Variants in CCDC28B observed in about 807,000 individuals in gnomAD.
CCDC28B encodes the protein coiled-coil domain-containing protein 28B.
CCDC28B carries 17 observed loss-of-function variants against 18.7 expected under a neutral mutation model. That is an observed-to-expected ratio of 0.91 (90% confidence interval 0.62 to 1.36). CCDC28B has a LOEUF of 1.36. Ranked by LOEUF, CCDC28B falls within the 40% of genes most tolerant of loss-of-function variation. The pLI, the probability that CCDC28B is intolerant of heterozygous loss-of-function variation, is 0.00. For synonymous variants in CCDC28B, 116 were observed against 105.1 expected (o/e 1.10, Z -0.64); for missense variants, 213 against 251.7 (o/e 0.85, Z 1.04).
rs984354152 is a variant in CCDC28B, at chr1:32,204,847, G to T, written c.548+227G>T. Reference sequence around the variant, plus strand: ...TTTTACTACTGATCAAAATCTTTGTGAGTACTTTAGCTGACATCAATCATA... The same window carrying T: ...TTTTACTACTGATCAAAATCTTTGTTAGTACTTTAGCTGACATCAATCATA... On this transcript the variant is annotated intron_variant, in intron 5 of 5. Transcript: ENST00000373602. 5.8e-6 allele frequency: 9 copies of T among 1,547,632 alleles called. No homozygotes were observed. In the Admixed American group the frequency reaches 1.4e-4, roughly 24 times the overall value.
chr1:32,201,369 G>A (rs767026304), intron 1 of CCDC28B, among the ~76,000 whole-genome samples: 1 of 152,134 alleles, frequency 6.6e-6, no homozygotes, highest in Non-Finnish European at 1.5e-5. Context: ...TCTATGTGGG[G>A]GAAACCCACA....
At position 32,203,898 on chromosome 1, in the gene CCDC28B, C is replaced by T. The variant is rs778638794; in HGVS notation, c.184C>T (p.Arg62Cys). 4.1e-5 allele frequency: 62 copies of T among 1,512,866 alleles called. No homozygotes were observed. Among genetic ancestry groups the T allele is most frequent in the Non-Finnish European group, 5.1e-5 (58 of 1,131,258 alleles). 93.7% of individuals were successfully genotyped at this position (1,512,866 alleles called of 1,614,324 possible). The change falls in exon 3 of 6, where the codon CGC becomes TGC. Residue 62 changes from arginine to cysteine, a missense_variant. Arg to Cys is a radical substitution (Grantham distance 180). Transcript: ENST00000373602. The part of the protein sequence containing the change: ...KFKRVGKEKC[R>C]PVLAGGGSGS... ...ACCCAGAGTAGGCAAAGAGAAGTGC[C>T]GCCCAGTCCTGGCTGGAGGTGGAAG...
At position 32,204,317 on chromosome 1, in the gene CCDC28B, G is replaced by T. The variant is rs140234450; in HGVS notation, c.463G>T (p.Gly155Trp). ...AGAGGAAGAGGATGGGGTCACTGAG[G>T]GGCTGCCAGAGGAGCAGAAGAAGAC... The part of the protein sequence containing the change: ...DEEEEDGVTE[G>W]LPEEQKKTMA... The change falls in exon 4 of 6, where the codon GGG (glycine) becomes TGG (tryptophan). Residue 155 changes from glycine to tryptophan, a missense_variant. Physicochemically the swap from Gly to Trp is radical, Grantham distance 184. Transcript: ENST00000373602. 1.2e-6 allele frequency: 2 copies of T among 1,611,488 alleles called. No individual in the cohort carries two copies. The highest frequency in any genetic ancestry group is 1.7e-6 in the Non-Finnish European group (2 of 1,178,706).
chr1:32,204,283 G>A lies in CCDC28B; in HGVS notation c.429G>A (p.Glu143=), dbSNP rs748786374. ...GCCTGGATGTGTGTGGGGAGGAGGA[G>A]GACGATGAAGAGGAAGAGGATGGGG... ...HFSLDVCGEE[E]DDEEEEDGVT... The change falls in exon 4 of 6, where the codon GAG becomes GAA. Residue 143 remains glutamate (E), a synonymous_variant. Transcript: ENST00000373602. 3.7e-6 allele frequency: 6 copies of A among 1,613,754 alleles called. No homozygotes were observed. The highest frequency in any genetic ancestry group is 4.2e-6 in the Non-Finnish European group (5 of 1,179,918).
At position 32,204,579 on chromosome 1, in the gene CCDC28B, T is replaced by C; in HGVS notation, c.526-19T>C. The stretch of plus-strand genomic sequence containing the variant: ...GTTCCCCTCCTAACAGAAGCCTCCC[T>C]TTTTCTCTTTGTTGGCAGCTGGAAG... On this transcript the variant is annotated intron_variant, in intron 4 of 5. Coordinates refer to ENST00000373602, the MANE Select transcript of CCDC28B (RefSeq NM_024296.5). The C allele has an allele frequency of 6.4e-7, 1 of 1,554,274 alleles. No homozygotes were observed. Among genetic ancestry groups the C allele is most frequent in the African/African-American group, 1.4e-5 (1 of 72,776 alleles).
At chr1:32,203,753 A>G in intron 2 of CCDC28B, 126 bp from the exon 3 acceptor site, 1 of 670,508 alleles carries the variant, frequency 1.5e-6, no homozygotes, top group Non-Finnish European at 2.3e-6. Context: ...TATGCTAGTA[A>G]GTAGATGGGC....
rs764820386 is a variant in CCDC28B at position 32,204,718 on chromosome 1, CCCA to C, written c.548+101_548+103del. 3.1e-6 allele frequency: 5 copies of C among 1,614,074 alleles called. No homozygotes were observed. In the Admixed American group the frequency reaches 8.3e-5, roughly 27 times the overall value. Reference sequence around the variant, plus strand: ...GGAGTATTCACACACAACCAACTTCCCCACCTCTTGCAGTCCTGTCAGATTTAG... The same window carrying C: ...GGAGTATTCACACACAACCAACTTCCCCTCTTGCAGTCCTGTCAGATTTAG... On this transcript the variant is annotated intron_variant, in intron 5 of 5. Transcript: ENST00000373602.
rs1415468234 is a variant in CCDC28B, at chr1:32,204,584, C to T, written c.526-14C>T. On this transcript the variant is annotated splice_polypyrimidine_tract_variant and intron_variant, in intron 4 of 5. Transcript: ENST00000373602. Reference sequence around the variant, plus strand: ...CCTCCTAACAGAAGCCTCCCTTTTTCTCTTTGTTGGCAGCTGGAAGACCTC... The same window carrying T: ...CCTCCTAACAGAAGCCTCCCTTTTTTTCTTTGTTGGCAGCTGGAAGACCTC... 10 of 1,555,798 alleles carry T rather than the reference C, an allele frequency of 6.4e-6. No individual in the cohort carries two copies. The highest frequency in any genetic ancestry group is 6.0e-5 in the Admixed American group (3 of 50,068).
chr1:32,199,334 A>G (rs772467693), upstream of CCDC28B, among the ~76,000 whole-genome samples: 1 of 152,006 alleles, frequency 6.6e-6, no homozygotes, highest in African/African-American at 2.4e-5. Context: ...CATGCTGGCC[A>G]TGTTATTTCT....
At position 32,204,302 on chromosome 1, in the gene CCDC28B, G is replaced by A. The variant is rs1643243299; in HGVS notation, c.448G>A (p.Asp150Asn). ...GEEEDDEEEEDGVTEGLPEEQ... is the reference protein window; with the variant it reads ...GEEEDDEEEENGVTEGLPEEQ... Reference sequence around the variant, plus strand: ...GGAGGAGGACGATGAAGAGGAAGAGGATGGGGTCACTGAGGGGCTGCCAGA... The same window carrying A: ...GGAGGAGGACGATGAAGAGGAAGAGAATGGGGTCACTGAGGGGCTGCCAGA... The change falls in exon 4 of 6, where the codon GAT (aspartate) becomes AAT (asparagine). Residue 150 changes from aspartate (D) to asparagine (N), a missense_variant. By Grantham distance (23) the Asp-to-Asn change is conservative (BLOSUM62 1). Transcript: ENST00000373602. 6.2e-7 allele frequency: 1 copy of A among 1,613,136 alleles called. No individual in the cohort carries two copies. Among genetic ancestry groups the A allele is most frequent in the Non-Finnish European group, 8.5e-7 (1 of 1,179,540 alleles).
At chr1:32,199,735 G>T (rs1304811896), upstream of CCDC28B, among the ~76,000 whole-genome samples, 1 of 152,246 alleles carries the variant, frequency 6.6e-6, no homozygotes, top group Non-Finnish European at 1.5e-5. Flanking sequence ...GGATGGGGAA[G>T]GTGGGCTGGG....
chr1:32,203,975 T>C lies in CCDC28B; in HGVS notation c.261T>C (p.Asp87=). ...ACTCCTTCCTGACCGAGGTGACTGA[T>C]GTCTATGAGATGGAGGGGGGACTCC... The part of the protein sequence containing the change: ...LQHSFLTEVT[D]VYEMEGGLLN... Residue 87 remains aspartate, a synonymous_variant, in exon 3 of 6, where the codon GAT becomes GAC. Coordinates refer to ENST00000373602, the MANE Select transcript of CCDC28B (RefSeq NM_024296.5). 2 of 1,578,844 alleles carry C rather than the reference T, an allele frequency of 1.3e-6. No individual in the cohort carries two copies. The highest frequency in any genetic ancestry group is 2.2e-5 in the East Asian group (1 of 44,486).
At position 32,203,917 on chromosome 1, in the gene CCDC28B, G is replaced by A. The variant is rs1484987163; in HGVS notation, c.203G>A (p.Gly68Asp). 4.6e-6 allele frequency: 7 copies of A among 1,537,814 alleles called. No homozygotes were observed. The highest frequency in any genetic ancestry group is 2.1e-5 in the Admixed American group (1 of 47,294). Reference sequence around the variant, plus strand: ...AAGTGCCGCCCAGTCCTGGCTGGAGGTGGAAGCGGCTCTGCAGGCACGCCC... The same window carrying A: ...AAGTGCCGCCCAGTCCTGGCTGGAGATGGAAGCGGCTCTGCAGGCACGCCC... ...KEKCRPVLAGGGSGSAGTPLQ... is the reference protein window; with the variant it reads ...KEKCRPVLAGDGSGSAGTPLQ... The change falls in exon 3 of 6, where the codon GGT (glycine) becomes GAT (aspartate). Residue 68 changes from glycine (G) to aspartate (D), a missense_variant. Transcript: ENST00000373602.
upstream of CCDC28B, among the ~76,000 whole-genome samples, chr1:32,198,911 T>C (rs565169389): frequency 6.6e-6 from 1 of 152,186 alleles, no homozygotes; most frequent in Admixed American, 6.6e-5. Flanking sequence ...CATAGGCCAT[T>C]TGAGGCCCAG....
At chr1:32,198,625 G>C (rs1252120353), upstream of CCDC28B, among the ~76,000 whole-genome samples, 1 of 152,228 alleles carries the variant, frequency 6.6e-6, no homozygotes, top group African/African-American at 2.4e-5. Flanking sequence ...TGAGAGCAGA[G>C]AGGAGGCCCC....
chr1:32,204,722 C>T, intron 5 of CCDC28B, 102 bp downstream of exon 5: 2 of 1,614,098 alleles, frequency 1.2e-6, no homozygotes, highest in Non-Finnish European at 1.7e-6. Context: ...AACTTCCCCA[C>T]CTCTTGCAGT....
intron 1 of CCDC28B, among the ~76,000 whole-genome samples, 171 bp downstream of exon 1, chr1:32,200,880 C>T (rs1046068612): frequency 2.0e-5 from 3 of 152,162 alleles, no homozygotes; most frequent in African/African-American, 7.2e-5. Context: ...GCACAGGCTC[C>T]GGCTCCAGTT....
At chr1:32,204,729 C>G in intron 5 of CCDC28B, 109 bp downstream of exon 5, 1 of 1,613,980 alleles carries the variant, frequency 6.2e-7, no homozygotes, top group Non-Finnish European at 8.5e-7. Flanking sequence ...CCACCTCTTG[C>G]AGTCCTGTCA....
At chr1:32,196,482 G>T (rs1216144271), upstream of CCDC28B, 1 of 152,228 alleles carries the variant, frequency 6.6e-6, no homozygotes, top group African/African-American at 2.4e-5. Context: ...TTGAACTATT[G>T]ACTGGGCCCC....
Sources: allele counts gnomAD v4.1 joint callset (sites outside exome capture counted in the v4.1 genomes callset), GRCh38; gene constraint gnomAD v4.1.1; transcripts MANE v1.5; gene names NCBI Gene and HGNC (gene_info 2026-07-23, HGNC 2026-07-21).